Variants in LPIN1 observed in about 807,000 individuals in gnomAD.
LPIN1 encodes the protein phosphatidate phosphatase LPIN1.
A neutral mutation model predicts 107.5 loss-of-function variants in LPIN1; 71 were observed. That is an observed-to-expected ratio of 0.66 (90% CI 0.55 to 0.80). The LOEUF (loss-of-function observed/expected upper bound fraction) is 0.80, where lower values mean the gene tolerates loss of function less well. LPIN1 is among the 30% of genes least tolerant of loss of function. The probability of loss-of-function intolerance (pLI) is 0.00; values close to 1 mark genes in which losing one functional copy is unlikely to be tolerated. For synonymous variants in LPIN1, 445 were observed against 452.6 expected (o/e 0.98, Z 0.21); for missense variants, 1,043 against 1,160.6 (o/e 0.90, Z 1.47).
chr2:11,739,794 G>T (rs1666151106), intron 1 of LPIN1, among the ~76,000 whole-genome samples: 1 of 152,170 alleles, frequency 6.6e-6, no homozygotes, highest in South Asian at 2.1e-4. Context: ...AATATAAACA[G>T]ATCCAGAAAT....
intron 1 of LPIN1, among the ~76,000 whole-genome samples, chr2:11,727,600 C>A (rs895328282): frequency 1.3e-5 from 2 of 152,160 alleles, no homozygotes; most frequent in Non-Finnish European, 2.9e-5. Context: ...TTATAGGAAC[C>A]ATGAATACAC....
At chr2:11,779,201 T>G (rs1341809027) in intron 6 of LPIN1, among the ~76,000 whole-genome samples, 1 of 152,212 alleles carries the variant, frequency 6.6e-6, no homozygotes, top group East Asian at 1.9e-4. Flanking sequence ...AAGGGTGGTC[T>G]TTTTGAGGTA....
At chr2:11,776,879 G>A (rs1304255167) in intron 6 of LPIN1, among the ~76,000 whole-genome samples, 9 of 152,198 alleles carry the variant, frequency 5.9e-5, no homozygotes, top group Non-Finnish European at 8.8e-5. Flanking sequence ...TAATTTGTAC[G>A]TGGAAAACCT....
chr2:11,703,946 G>A (rs901379776), intron 1 of LPIN1, among the ~76,000 whole-genome samples: 1 of 152,168 alleles, frequency 6.6e-6, no homozygotes, highest in African/African-American at 2.4e-5. Flanking sequence ...TGGATGGGCT[G>A]GCCTGGAAGG....
In LPIN1 at chr2:11,678,003, G is replaced by A. The variant is rs11695025; in HGVS notation, c.81+275G>A. On this transcript the variant is annotated intron_variant, in intron 1 of 21. Transcript: ENST00000449576. ...TTGCCTTGGATGGAAAATGCATAGT[G>A]ATTGCTTAATCTTCAAAATGGGACT... 0.1 allele frequency among the ~76,000 whole-genome samples: 15,489 copies of A among 152,302 alleles called. 1,260 individuals are homozygous for A. The highest frequency in any genetic ancestry group is 0.23 in the African/African-American group (9,609 of 41,522).
intron 17 of LPIN1, chr2:11,805,374 C>G (rs113481536): frequency 1.6e-6 from 1 of 631,172 alleles, no homozygotes; most frequent in Non-Finnish European, 2.9e-6. Context: ...AAACAAGGGG[C>G]GAAGTATAGG....
At chr2:11,715,195 A>G (rs1326281852) in intron 2 of LPIN1, among the ~76,000 whole-genome samples, 2 of 152,166 alleles carry the variant, frequency 1.3e-5, no homozygotes, top group Non-Finnish European at 2.9e-5. Context: ...GGCCTCGGGC[A>G]GCTTCCCGTG....
At chr2:11,727,990 T>C (rs951304176) in intron 1 of LPIN1, among the ~76,000 whole-genome samples, 3 of 152,210 alleles carry the variant, frequency 2.0e-5, no homozygotes, top group African/African-American at 7.2e-5. Flanking sequence ...GTCTTCTGCA[T>C]TATGGCACCC....
chr2:11,815,385 C>A, intron 18 of LPIN1, 145 bp downstream of exon 18: 1 of 1,064,458 alleles, frequency 9.4e-7, no homozygotes, highest in Non-Finnish European at 1.4e-6. Flanking sequence ...AAAATCATTC[C>A]AAACACAGGT....
chr2:11,792,176 G>A (rs1212815403), intron 13 of LPIN1, 170 bp downstream of exon 13: 30 of 635,994 alleles, frequency 4.7e-5, no homozygotes, highest in South Asian at 2.0e-4. Context: ...CGTGGGGAAG[G>A]TGGGGAGGAA....
intron 1 of LPIN1, among the ~76,000 whole-genome samples, chr2:11,684,920 T>A (rs544622539): frequency 7.0e-6 from 1 of 143,768 alleles, no homozygotes; most frequent in Non-Finnish European, 1.5e-5. Context: ...TTCTAAGCAC[T>A]GGAAATGAGC....
At chr2:11,809,511 G>A (rs1385295587) in intron 17 of LPIN1, among the ~76,000 whole-genome samples, 1 of 152,170 alleles carries the variant, frequency 6.6e-6, no homozygotes, top group African/African-American at 2.4e-5. Context: ...CCGCCTCCCA[G>A]GTTCAAGCGA....
intron 2 of LPIN1, among the ~76,000 whole-genome samples, chr2:11,766,112 G>A (rs896299145): frequency 2.0e-5 from 3 of 152,280 alleles, no homozygotes; most frequent in South Asian, 2.1e-4. Flanking sequence ...TGGGCTCTTC[G>A]CTGAGGCTTT....
chr2:11,790,243 A>G (rs1455748813), intron 12 of LPIN1, among the ~76,000 whole-genome samples: 1 of 152,246 alleles, frequency 6.6e-6, no homozygotes, highest in Admixed American at 6.5e-5. Context: ...CAGAATGACT[A>G]AAAGTGGCTT....
At chr2:11,715,630 GGCTTGTATCA>G (rs1369556289) in intron 2 of LPIN1, among the ~76,000 whole-genome samples, 3 of 152,118 alleles carry the variant, frequency 2.0e-5, no homozygotes, top group African/African-American at 7.2e-5. Context: ...GGAGAAGTAG[GGCTTGTATCA>G]GCTTGTGTGG....
At position 11,690,924 on chromosome 2, in the gene LPIN1, C is replaced by G. The variant is rs374496800; in HGVS notation, c.81+13196C>G. Among the ~76,000 whole-genome samples the G allele has an allele frequency of 5.6e-4, 85 of 152,100 alleles. 1 individual carries two copies. The highest frequency in any genetic ancestry group is 2.0e-3 in the African/African-American group (81 of 41,498). ...ATCTCAATTATTCTCATTTAACAGT[C>G]ATTATCAGATTGTTCAATAACCTGA... On this transcript the variant is annotated intron_variant, in intron 1 of 21. Coordinates refer to the LPIN1 transcript ENST00000449576.
At chr2:11,737,339 G>C (rs750223712) in intron 1 of LPIN1, among the ~76,000 whole-genome samples, 1 of 151,988 alleles carries the variant, frequency 6.6e-6, no homozygotes, top group East Asian at 1.9e-4. Flanking sequence ...GACTTCATGA[G>C]TAAAACACCA....
intron 14 of LPIN1, among the ~76,000 whole-genome samples, chr2:11,799,348 C>T (rs971032772): frequency 6.6e-6 from 1 of 151,936 alleles, no homozygotes; most frequent in Non-Finnish European, 1.5e-5. Flanking sequence ...TCACCAAGAG[C>T]TTTGCTTCAC....
At chr2:11,678,985 G>T (rs945646943) in intron 1 of LPIN1, among the ~76,000 whole-genome samples, 1 of 152,202 alleles carries the variant, frequency 6.6e-6, no homozygotes, top group Non-Finnish European at 1.5e-5. Context: ...GCTTTGTCTT[G>T]TTTCCTTTGC....
Sources: gnomAD v4.1 joint callset for allele counts (sites outside exome capture counted in the v4.1 genomes callset) on GRCh38, gnomAD v4.1.1 for gene constraint, MANE v1.5 for transcripts, NCBI Gene and HGNC (gene_info 2026-07-23, HGNC 2026-07-21) for gene names.